Variants in ZNF90 observed in about 807,000 individuals in gnomAD.
ZNF90 encodes zinc finger protein HTF9.
In ZNF90, 11 loss-of-function variants were observed where a neutral mutation model predicts 12.0. The observed-to-expected ratio is 0.92, with a 90% confidence interval of 0.58 to 1.52. The LOEUF is 1.52. ZNF90 is among the 40% of genes most tolerant of loss of function. The pLI is 0.00. For missense variants in ZNF90, 765 were observed against 711.5 expected, an observed-to-expected ratio of 1.08 and a Z score of -0.86; for synonymous variants, 232 against 240.1, an observed-to-expected ratio of 0.97 and a Z score of 0.31.
At chr19:20,081,768 TC>T (rs999661501) in intron 1 of ZNF90, among the ~76,000 whole-genome samples, 2 of 151,252 alleles carry the variant, frequency 1.3e-5, no homozygotes, top group Non-Finnish European at 2.9e-5. Flanking sequence ...CTTTCTTTCT[TC>T]TTTTTTTTTT....
intron 3 of ZNF90, among the ~76,000 whole-genome samples, chr19:20,108,150 T>C (rs2089055625): frequency 6.6e-6 from 1 of 152,184 alleles, no homozygotes; most frequent in African/African-American, 2.4e-5. Context: ...TAGTTTTAAA[T>C]GCTAATTTAT....
Position 20,104,451 on chromosome 19 carries a change from T to G in ZNF90, c.130+86T>G. ...TGTGGAATGATTTTTAGTAATGTATTGTTTGCATAAGAGAGTTTTAGATCC... is the reference window on the plus strand; with the variant it reads ...TGTGGAATGATTTTTAGTAATGTATGGTTTGCATAAGAGAGTTTTAGATCC... On this transcript the variant is annotated intron_variant, in intron 2 of 3. Transcript: ENST00000418063. The G allele has an allele frequency of 2.1e-6, 3 of 1,460,222 alleles. No individual in the cohort carries two copies. In the South Asian group the frequency reaches 4.4e-5, roughly 21 times the overall value. The allele number at this position is 1,460,222 out of a possible 1,614,324, so 90.5% of individuals were successfully genotyped here.
chr19:20,086,956 A>G (rs2088864203), intron 1 of ZNF90: 1 of 152,260 alleles, frequency 6.6e-6, no homozygotes, highest in African/African-American at 2.4e-5. Context: ...TCAGTTTGCT[A>G]TGTTGCAAGC....
intron 3 of ZNF90, among the ~76,000 whole-genome samples, chr19:20,113,753 G>T (rs1224701744): frequency 6.6e-6 from 1 of 151,948 alleles, no homozygotes; most frequent in African/African-American, 2.4e-5. Context: ...GAGTGAACCC[G>T]GGAGGCAGAG....
At chr19:20,100,572 C>A (rs1555703769) in intron 1 of ZNF90, among the ~76,000 whole-genome samples, 2 of 152,166 alleles carry the variant, frequency 1.3e-5, no homozygotes, top group East Asian at 1.9e-4. Flanking sequence ...ATTGAAGGCA[C>A]CCCTCCCCAG....
At chr19:20,107,417 G>T (rs1621688) in intron 3 of ZNF90, among the ~76,000 whole-genome samples, 1 of 151,924 alleles carries the variant, frequency 6.6e-6, no homozygotes, top group African/African-American at 2.4e-5. Context: ...TGACTAGAAG[G>T]CTTCTCAATC....
At chr19:20,088,600 T>A (rs555025207) in intron 1 of ZNF90, among the ~76,000 whole-genome samples, 1 of 152,128 alleles carries the variant, frequency 6.6e-6, no homozygotes, top group Non-Finnish European at 1.5e-5. Flanking sequence ...CCAGGCCAGA[T>A]TGATTTAGGT....
chr19:20,104,312 A>G lies in ZNF90; in HGVS notation c.77A>G (p.Gln26Arg), dbSNP rs1555704164. The G allele has an allele frequency of 8.7e-6, 14 of 1,614,078 alleles. No individual in the cohort carries two copies. Among genetic ancestry groups the G allele is most frequent in the South Asian group, 5.5e-5 (5 of 91,060 alleles). ...TGGCATTGCCTGGACACTGCACAGC[A>G]GAATTTATATAGGGATGTGATGTTA... ...EEWHCLDTAQ[Q>R]NLYRDVMLEN... The change falls in exon 2 of 4, where the codon CAG (glutamine) becomes CGG (arginine). Residue 26 changes from glutamine (Q) to arginine (R), a missense_variant. Transcript: ENST00000418063.
chr19:20,111,769 C>T (rs2089090855), intron 3 of ZNF90, among the ~76,000 whole-genome samples: 2 of 151,960 alleles, frequency 1.3e-5, no homozygotes, highest in African/African-American at 2.4e-5. Flanking sequence ...CTTATAAGAA[C>T]TTCAATTGAA....
intron 1 of ZNF90, among the ~76,000 whole-genome samples, chr19:20,081,954 C>T (rs565024349): frequency 9.2e-5 from 14 of 151,898 alleles, no homozygotes; most frequent in South Asian, 4.2e-4. Flanking sequence ...TTAGTAGAGA[C>T]GGGGTTTCAC....
At chr19:20,093,667 T>G (rs1555702978) in intron 1 of ZNF90, among the ~76,000 whole-genome samples, 3 of 151,312 alleles carry the variant, frequency 2.0e-5, no homozygotes. Flanking sequence ...GGCACCAGAG[T>G]GGGGGAGTTT....
chr19:20,102,679 G>T (rs913288997), intron 1 of ZNF90, among the ~76,000 whole-genome samples: 10 of 152,156 alleles, frequency 6.6e-5, no homozygotes, highest in African/African-American at 2.2e-4. Context: ...AACATGAAAA[G>T]ATATGGATAC....
At chr19:20,092,394 G>C (rs1489383068) in intron 1 of ZNF90, among the ~76,000 whole-genome samples, 1 of 152,172 alleles carries the variant, frequency 6.6e-6, no homozygotes. Flanking sequence ...GCTACAGGAT[G>C]CGATCCTGGT....
chr19:20,095,545 C>T (rs567046627), intron 1 of ZNF90, among the ~76,000 whole-genome samples: 1 of 151,836 alleles, frequency 6.6e-6, no homozygotes, highest in Non-Finnish European at 1.5e-5. Context: ...GGTTCTTACC[C>T]TCCAGAAAAG....
In ZNF90 at chr19:20,101,095, C is replaced by T. The variant is rs185829243; in HGVS notation, c.4-3144C>T. On this transcript the variant is annotated intron_variant, in intron 1 of 3. Coordinates refer to ENST00000418063, the MANE Select transcript of ZNF90 (RefSeq NM_007138.2). ...ACTTGCCGTCGACCACTGCTGTTTGCCGCCATCCCAGACCCACTGAAGACT... is the reference window on the plus strand; with the variant it reads ...ACTTGCCGTCGACCACTGCTGTTTGTCGCCATCCCAGACCCACTGAAGACT... 4.6e-4 allele frequency among the ~76,000 whole-genome samples: 70 copies of T among 152,246 alleles called. No individual in the cohort carries two copies. The East Asian group carries it at 0.013, about 29-fold the overall frequency.
chr19:20,119,593 G>T lies in ZNF90; in HGVS notation c.*233G>T. On this transcript the variant is annotated 3_prime_UTR_variant, in exon 4 of 4. Coordinates refer to ENST00000418063, the MANE Select transcript of ZNF90 (RefSeq NM_007138.2). Reference sequence around the variant, plus strand: ...CGGAAACTCTACAGGTGTGAAAAATGCAGCAAAGCCTATAACAAGTTCTCA... The same window carrying T: ...CGGAAACTCTACAGGTGTGAAAAATTCAGCAAAGCCTATAACAAGTTCTCA... 2 of 433,406 alleles carry T rather than the reference G, an allele frequency of 4.6e-6. No homozygotes were observed. The highest frequency in any genetic ancestry group is 8.1e-6 in the Non-Finnish European group (2 of 247,892). 26.8% of individuals were successfully genotyped at this position (433,406 alleles called of 1,614,324 possible).
intron 1 of ZNF90, among the ~76,000 whole-genome samples, chr19:20,082,562 T>C (rs1308871308): frequency 1.3e-5 from 2 of 152,228 alleles, no homozygotes; most frequent in Non-Finnish European, 2.9e-5. Context: ...AACAAATGCT[T>C]GAAGGCAGCA....
intron 1 of ZNF90, chr19:20,080,357 G>A (rs1427778129): frequency 4.4e-6 from 2 of 459,534 alleles, no homozygotes; most frequent in East Asian, 5.8e-5. Context: ...AAATTCCCCC[G>A]TCCAGCCTCA....
rs138022546 is a variant in ZNF90, at chr19:20,114,719, G to A, written c.227-3062G>A. On this transcript the variant is annotated intron_variant, in intron 3 of 3. Coordinates refer to ENST00000418063, the MANE Select transcript of ZNF90 (RefSeq NM_007138.2). ...CAGGTGGTCCATAAAGAAGAAAGTT[G>A]TATGAGCTATTGAGAAGGCTGTGTA... is the stretch of plus-strand genomic sequence containing the variant. Among the ~76,000 whole-genome samples, 482 of 152,254 alleles carry A rather than the reference G, an allele frequency of 3.2e-3. 4 individuals are homozygous for A. The highest frequency in any genetic ancestry group is 0.011 in the African/African-American group (466 of 41,552).
Sources: allele counts gnomAD v4.1 joint callset (sites outside exome capture counted in the v4.1 genomes callset), GRCh38; gene constraint gnomAD v4.1.1; transcripts MANE v1.5; gene names NCBI Gene and HGNC (gene_info 2026-07-23, HGNC 2026-07-21).